The following SGCZ variants were observed in gnomAD, a reference collection of about 807,000 sequenced individuals.
SGCZ encodes the protein sarcoglycan zeta.
SGCZ carries 40 observed loss-of-function variants against 41.3 expected under a neutral mutation model. The observed-to-expected ratio is 0.97, with a 90% confidence interval of 0.75 to 1.26. The LOEUF is 1.26. Among genes scored for constraint, SGCZ ranks in the 50% most tolerant of loss-of-function variants. The pLI is 0.00. For synonymous variants in SGCZ, 206 were observed against 137.5 expected, an observed-to-expected ratio of 1.50 and a Z score of -3.49; for missense variants, 552 against 369.8, an observed-to-expected ratio of 1.49 and a Z score of -4.04.
intron 3 of SGCZ, among the ~76,000 whole-genome samples, chr8:14,318,158 CAAAA>C (rs1212585089): frequency 6.7e-6 from 1 of 148,354 alleles, no homozygotes; most frequent in East Asian, 2.0e-4. Flanking sequence ...ATTGGTTTTT[CAAAA>C]GAAAGAAAGA....
rs182750008 is a variant in SGCZ, at chr8:14,494,075, G to A, written c.234+60657C>T. 2.5e-4 allele frequency among the ~76,000 whole-genome samples: 38 copies of A among 152,192 alleles called. 1 individual carries two copies. Among genetic ancestry groups the A allele is most frequent in the Non-Finnish European group, 5.0e-4 (34 of 68,006 alleles). On this transcript the variant is annotated intron_variant, in intron 2 of 7. Transcript: ENST00000382080. ...AAAAACAGGGTTAAAATATTTGTTC[G>A]CGTGTTTTCAGGAGGAAGCATGGAC...
At chr8:15,017,087 C>T (rs1198565072) in intron 1 of SGCZ, among the ~76,000 whole-genome samples, 1 of 152,086 alleles carries the variant, frequency 6.6e-6, no homozygotes, top group African/African-American at 2.4e-5. Context: ...AACATCCAAA[C>T]CATATCAAAT....
At chr8:14,717,627 T>TTTCTGA (rs1563222203) in intron 1 of SGCZ, among the ~76,000 whole-genome samples, 2 of 152,092 alleles carry the variant, frequency 1.3e-5, no homozygotes, top group South Asian at 4.1e-4. Flanking sequence ...AGAAAGACTA[T>TTTCTGA]GCTTCATTTA....
At chr8:15,093,621 G>A (rs548727463) in intron 1 of SGCZ, among the ~76,000 whole-genome samples, 1 of 152,092 alleles carries the variant, frequency 6.6e-6, no homozygotes, top group Non-Finnish European at 1.5e-5. Context: ...GGCTTAAATG[G>A]TAGGCATACC....
chr8:15,168,321 C>T (rs1448913164), intron 1 of SGCZ, among the ~76,000 whole-genome samples: 3 of 152,196 alleles, frequency 2.0e-5, no homozygotes, highest in African/African-American at 7.2e-5. Flanking sequence ...CCCCAGGCTT[C>T]CTGTTTCATG....
At chr8:14,135,353 T>C (rs1323467856) in intron 5 of SGCZ, among the ~76,000 whole-genome samples, 2 of 152,194 alleles carry the variant, frequency 1.3e-5, no homozygotes, top group Admixed American at 1.3e-4. Flanking sequence ...GCTGATGTGA[T>C]AGGAAGAAAG....
intron 2 of SGCZ, among the ~76,000 whole-genome samples, chr8:14,345,257 T>G (rs148699379): frequency 2.1e-4 from 32 of 152,168 alleles, no homozygotes; most frequent in African/African-American, 6.7e-4. Context: ...GTCAGAAATC[T>G]TAAAAAGAAT....
chr8:14,170,582 G>C (rs547607259), intron 4 of SGCZ, among the ~76,000 whole-genome samples: 33 of 152,200 alleles, frequency 2.2e-4, no homozygotes, highest in South Asian at 1.9e-3. Flanking sequence ...TTGTCTAAGA[G>C]AAGTGAATGC....
At chr8:15,150,768 C>T (rs1373776712) in intron 1 of SGCZ, among the ~76,000 whole-genome samples, 2 of 152,172 alleles carry the variant, frequency 1.3e-5, no homozygotes, top group Non-Finnish European at 2.9e-5. Context: ...GAAGATAACA[C>T]GTATTTGTTT....
intron 1 of SGCZ, among the ~76,000 whole-genome samples, chr8:14,653,178 T>G (rs34115597): frequency 0.21 from 32,004 of 151,952 alleles, 4,085 homozygotes; most frequent in Non-Finnish European, 0.3. Flanking sequence ...TAATCTCCTT[T>G]GCACTATGTT....
intron 1 of SGCZ, among the ~76,000 whole-genome samples, chr8:14,641,094 A>G (rs1217751267): frequency 2.0e-5 from 3 of 151,614 alleles, no homozygotes; most frequent in Admixed American, 6.6e-5. Flanking sequence ...TCAAACTAAC[A>G]CTTCCAAAAA....
intron 1 of SGCZ, among the ~76,000 whole-genome samples, chr8:14,949,501 T>C (rs1359449489): frequency 6.6e-6 from 1 of 152,138 alleles, no homozygotes; most frequent in African/African-American, 2.4e-5. Context: ...GCATGAAGAT[T>C]TATTATCATA....
intron 1 of SGCZ, among the ~76,000 whole-genome samples, chr8:15,038,832 A>AAAAAAAAAAAAAAAAG (rs1803968215): frequency 7.1e-6 from 1 of 140,482 alleles, no homozygotes; most frequent in Non-Finnish European, 1.5e-5. Flanking sequence ...AAAAAAAAAA[A>AAAAAAAAAAAAAAAAG]AAAAAAAGAA....
At chr8:15,222,196 G>C (rs1287026593) in intron 1 of SGCZ, among the ~76,000 whole-genome samples, 1 of 152,088 alleles carries the variant, frequency 6.6e-6, no homozygotes, top group African/African-American at 2.4e-5. Flanking sequence ...TAAATAAAAA[G>C]TATTTGCCTT....
chr8:15,038,816 A>G (rs1025215962), intron 1 of SGCZ, among the ~76,000 whole-genome samples: 6 of 53,660 alleles, frequency 1.1e-4, no homozygotes, highest in Non-Finnish European at 1.6e-4. Flanking sequence ...ACATTTCTCA[A>G]AAAAAAAAAA....
At chr8:14,136,236 C>T (rs6530726) in intron 5 of SGCZ, among the ~76,000 whole-genome samples, 3,258 of 152,208 alleles carry the variant, frequency 0.021, 144 homozygotes, top group African/African-American at 0.075. Context: ...GTGTGAGTGA[C>T]GCAGAAGACA....
intron 2 of SGCZ, among the ~76,000 whole-genome samples, chr8:14,419,768 A>G (rs13263288): frequency 0.57 from 86,473 of 151,780 alleles, 25,491 homozygotes; most frequent in South Asian, 0.76. Flanking sequence ...CATGTCTGTT[A>G]AACTTCTACT....
At chr8:14,963,185 C>A (rs768143943) in intron 1 of SGCZ, among the ~76,000 whole-genome samples, 1 of 152,092 alleles carries the variant, frequency 6.6e-6, no homozygotes, top group Non-Finnish European at 1.5e-5. Flanking sequence ...GTAACTACAT[C>A]GAACACCATA....
At chr8:15,224,550 C>G (rs931004928) in intron 1 of SGCZ, among the ~76,000 whole-genome samples, 2 of 152,064 alleles carry the variant, frequency 1.3e-5, no homozygotes, top group African/African-American at 4.8e-5. Context: ...TTAAACATAA[C>G]TCATGAACTA....
Sources: allele counts gnomAD v4.1 joint callset (sites outside exome capture counted in the v4.1 genomes callset), GRCh38; gene constraint gnomAD v4.1.1; transcripts MANE v1.5; gene names NCBI Gene and HGNC (gene_info 2026-07-23, HGNC 2026-07-21).